The following MAF variants were observed in gnomAD, a reference collection of about 807,000 sequenced individuals.
MAF encodes MAF bZIP transcription factor.
Under a neutral mutation model 22.0 loss-of-function variants are expected in MAF, and 10 were observed. The observed-to-expected ratio is 0.45, with a 90% CI of 0.28 to 0.77. The LOEUF is 0.77. Ranked by LOEUF, MAF falls within the 30% of genes least tolerant of loss-of-function variation. The pLI is 0.12. For synonymous variants in MAF, 337 were observed against 255.8 expected (o/e 1.32, Z -3.03); for missense variants, 544 against 548.4 (o/e 0.99, Z 0.08).
At chr16:79,372,022 G>T in the MAF span, among the ~76,000 whole-genome samples, 2 of 143,830 alleles carry the variant, frequency 1.4e-5, no homozygotes, top group Middle Eastern at 3.3e-3. Context: ...TGGAATCACT[G>T]GACATGGTAA....
chr16:79,230,092 A>C, the MAF span, among the ~76,000 whole-genome samples: 2 of 152,140 alleles, frequency 1.3e-5, no homozygotes, highest in African/African-American at 4.8e-5. Flanking sequence ...CTGATCTTGT[A>C]AACAGGTTGT....
At chr16:79,346,984 A>T in the MAF span, among the ~76,000 whole-genome samples, 1 of 152,180 alleles carries the variant, frequency 6.6e-6, no homozygotes, top group Non-Finnish European at 1.5e-5. Context: ...GGTTGGAATT[A>T]TGAGGACAGA....
the MAF span, among the ~76,000 whole-genome samples, chr16:79,242,630 T>C: frequency 4.0e-5 from 6 of 151,832 alleles, no homozygotes; most frequent in African/African-American, 1.2e-4. Context: ...CCACTGTCAA[T>C]ATGAGACAGA....
At chr16:79,336,490 C>T in the MAF span, among the ~76,000 whole-genome samples, 1 of 152,178 alleles carries the variant, frequency 6.6e-6, no homozygotes, top group East Asian at 1.9e-4. Context: ...AGTCAGAAAT[C>T]CTAAATAAAA....
At chr16:79,542,460 G>A in the MAF span, among the ~76,000 whole-genome samples, 6,185 of 152,210 alleles carry the variant, frequency 0.041, 215 homozygotes, top group Non-Finnish European at 0.053. Flanking sequence ...TGGCCCCAGG[G>A]ACATGGCCTA....
At chr16:79,373,895 C>T in the MAF span, among the ~76,000 whole-genome samples, 3 of 152,108 alleles carry the variant, frequency 2.0e-5, no homozygotes, top group Middle Eastern at 3.2e-3. Context: ...CTGCTATGTG[C>T]AACATAAAAT....
At chr16:79,575,781 C>G in the MAF span, among the ~76,000 whole-genome samples, 4 of 152,308 alleles carry the variant, frequency 2.6e-5, no homozygotes, top group Admixed American at 1.3e-4. Flanking sequence ...ATACCTATAA[C>G]AAAGGAACAG....
rs1262562851 is a variant in MAF, at chr16:79,599,356, G to C, written c.547C>G (p.His183Asp). The C allele has an allele frequency of 1.0e-6, 1 of 994,534 alleles. No homozygotes were observed. The highest frequency in any genetic ancestry group is 1.2e-6 in the Non-Finnish European group (1 of 837,784). The allele number at this position is 994,534 out of a possible 1,614,324, so 61.6% of individuals were successfully genotyped here. ...TGGCCGGCGGCGTGGTGGTGGTGGT[G>C]GTGGTAGTGCGGGCCCGCGCCGCTC... is the stretch of plus-strand genomic sequence containing the variant. ...AQSGAGPHYH[H>D]HHHHAAGHHH... Residue 183 changes from histidine (H) to aspartate (D), a missense_variant, in exon 1 of 2, where the codon CAC (histidine) becomes GAC (aspartate). Transcript: ENST00000326043.
chr16:79,493,150 TTTGTC>T, the MAF span, among the ~76,000 whole-genome samples: 1 of 151,294 alleles, frequency 6.6e-6, no homozygotes. Context: ...TTTGTTTTGT[TTTGTC>T]TTGTTTTGTT....
chr16:79,304,563 G>A, the MAF span, among the ~76,000 whole-genome samples: 1 of 152,004 alleles, frequency 6.6e-6, no homozygotes, highest in African/African-American at 2.4e-5. Context: ...TCCATAAGTT[G>A]GAGACAAAAG....
chr16:79,561,778 C>T, the MAF span, among the ~76,000 whole-genome samples: 2 of 152,276 alleles, frequency 1.3e-5, no homozygotes, highest in African/African-American at 4.8e-5. Context: ...GAATGAAACT[C>T]AATGGACTGA....
At chr16:79,359,887 C>A in the MAF span, among the ~76,000 whole-genome samples, 1 of 152,110 alleles carries the variant, frequency 6.6e-6, no homozygotes, top group Non-Finnish European at 1.5e-5. Flanking sequence ...GTGGAAGGAG[C>A]TTAACCTGGA....
At chr16:79,339,437 G>A in the MAF span, among the ~76,000 whole-genome samples, 8 of 152,238 alleles carry the variant, frequency 5.3e-5, no homozygotes, top group Admixed American at 4.6e-4. Flanking sequence ...ATGCCATTGA[G>A]GCCCCAGAGG....
chr16:79,514,626 G>A, the MAF span, among the ~76,000 whole-genome samples: 3 of 152,036 alleles, frequency 2.0e-5, no homozygotes, highest in African/African-American at 4.8e-5. Flanking sequence ...GAAAAATCTC[G>A]GTTTGAAACT....
the MAF span, among the ~76,000 whole-genome samples, chr16:79,247,595 A>G: frequency 6.6e-6 from 1 of 152,012 alleles, no homozygotes; most frequent in African/African-American, 2.4e-5. Flanking sequence ...TTCCTGAGGC[A>G]CCTCTTCCCC....
the MAF span, among the ~76,000 whole-genome samples, chr16:79,461,489 T>A: frequency 6.6e-6 from 1 of 152,118 alleles, no homozygotes; most frequent in Non-Finnish European, 1.5e-5. Flanking sequence ...CCATGGAGTA[T>A]TGCCTAGGAA....
chr16:79,533,929 G>C, the MAF span, among the ~76,000 whole-genome samples: 2 of 152,186 alleles, frequency 1.3e-5, no homozygotes, highest in Non-Finnish European at 2.9e-5. Context: ...AGGGTGCCCA[G>C]AGACAACAGA....
the MAF span, among the ~76,000 whole-genome samples, chr16:79,249,861 G>T: frequency 6.6e-6 from 1 of 151,516 alleles, no homozygotes; most frequent in Non-Finnish European, 1.5e-5. Flanking sequence ...TATATTCCTT[G>T]AGTCTGTAAC....
chr16:79,234,363 G>A, the MAF span, among the ~76,000 whole-genome samples: 1 of 152,082 alleles, frequency 6.6e-6, no homozygotes, highest in Non-Finnish European at 1.5e-5. Context: ...TACACACGAT[G>A]ATAGAAGAAA....
Sources: gnomAD v4.1 joint callset for allele counts (sites outside exome capture counted in the v4.1 genomes callset) on GRCh38, gnomAD v4.1.1 for gene constraint, MANE v1.5 for transcripts, NCBI Gene and HGNC (gene_info 2026-07-23, HGNC 2026-07-21) for gene names.